Variants in CEP63 observed in about 807,000 individuals in gnomAD.
CEP63 encodes centrosomal protein of 63 kDa.
Under a neutral mutation model 89.1 loss-of-function variants are expected in CEP63, and 84 were observed. The observed-to-expected ratio is 0.94, with a 90% confidence interval of 0.79 to 1.13. The LOEUF (loss-of-function observed/expected upper bound fraction) is 1.13, where lower values mean the gene tolerates loss of function less well. Ranked by LOEUF, CEP63 falls within the 50% of genes most tolerant of loss-of-function variation. The pLI is 0.00. For synonymous variants in CEP63, 267 were observed against 272.5 expected, an observed-to-expected ratio of 0.98 and a Z score of 0.20; for missense variants, 838 against 813.3, an observed-to-expected ratio of 1.03 and a Z score of -0.37.
the CEP63 span, among the ~76,000 whole-genome samples, chr3:134,659,647 C>A: frequency 6.6e-6 from 1 of 152,144 alleles, no homozygotes; most frequent in African/African-American, 2.4e-5. Context: ...AGTGAGTGCT[C>A]CTAGTGGTGG....
the CEP63 span, chr3:134,625,107 T>C: frequency 6.2e-7 from 1 of 1,602,502 alleles, no homozygotes. Flanking sequence ...GGGACATGGA[T>C]TTCAGGCTAG....
the CEP63 span, among the ~76,000 whole-genome samples, chr3:134,654,137 C>A: frequency 6.6e-6 from 1 of 152,232 alleles, no homozygotes; most frequent in South Asian, 2.1e-4. Context: ...AGCAGCCCTG[C>A]ATCCGATACT....
the CEP63 span, among the ~76,000 whole-genome samples, chr3:134,739,199 G>A: frequency 3.9e-5 from 6 of 152,186 alleles, no homozygotes; most frequent in Non-Finnish European, 8.8e-5. Flanking sequence ...GATGTTCATA[G>A]CAGTATTATT....
rs202240762 is a variant in CEP63 at position 134,552,025 on chromosome 3, A to G, written c.1467+13A>G. On this transcript the variant is annotated intron_variant, in intron 12 of 14. Coordinates refer to ENST00000675561, the MANE Select transcript of CEP63 (RefSeq NM_001353108.3). ...GGGTTTACATGAGGTACATAAATAG[A>G]AACTTAAGTTTTTCTACTATCCAAG... is the stretch of plus-strand genomic sequence containing the variant. 8.8e-6 allele frequency: 13 copies of G among 1,471,226 alleles called. No homozygotes were observed. In the East Asian group the frequency reaches 2.7e-4, roughly 31 times the overall value. 91.1% of individuals were successfully genotyped at this position (1,471,226 alleles called of 1,614,324 possible).
chr3:134,670,114 T>C, the CEP63 span, among the ~76,000 whole-genome samples: 1 of 152,192 alleles, frequency 6.6e-6, no homozygotes, highest in Non-Finnish European at 1.5e-5. Flanking sequence ...TTTCAGCCTC[T>C]AGAACTATGA....
At chr3:134,521,109 A>G (rs1947346532) in intron 3 of CEP63, among the ~76,000 whole-genome samples, 2 of 152,186 alleles carry the variant, frequency 1.3e-5, no homozygotes, top group South Asian at 4.1e-4. Flanking sequence ...AAAAATGGGC[A>G]AAAGACAAAT....
chr3:134,595,559 A>G, the CEP63 span, among the ~76,000 whole-genome samples: 1 of 151,998 alleles, frequency 6.6e-6, no homozygotes, highest in Non-Finnish European at 1.5e-5. Flanking sequence ...CTAGCTAGTC[A>G]TGACACTCTT....
the CEP63 span, among the ~76,000 whole-genome samples, chr3:134,702,364 T>A: frequency 6.6e-6 from 1 of 150,936 alleles, no homozygotes; most frequent in Non-Finnish European, 1.5e-5. Context: ...TAAGAAAAAC[T>A]ATTTTGAAAT....
At chr3:134,740,779 C>T in the CEP63 span, among the ~76,000 whole-genome samples, 4 of 152,178 alleles carry the variant, frequency 2.6e-5, no homozygotes. Flanking sequence ...GCTCTCTGGT[C>T]CCTCCAAGCT....
the CEP63 span, among the ~76,000 whole-genome samples, chr3:134,720,454 G>A: frequency 4.0e-5 from 6 of 151,886 alleles, no homozygotes; most frequent in Non-Finnish European, 7.4e-5. Context: ...AGCACAAAAG[G>A]TTTTAATTTT....
the CEP63 span, chr3:134,628,121 A>C: frequency 2.5e-6 from 1 of 395,938 alleles, no homozygotes; most frequent in Non-Finnish European, 4.6e-6. Context: ...GTCCTCCTGG[A>C]ACCTGGTGTT....
the CEP63 span, among the ~76,000 whole-genome samples, chr3:134,726,984 C>T: frequency 2.2e-4 from 33 of 152,146 alleles, no homozygotes; most frequent in Admixed American, 2.1e-3. Context: ...TCCTCATGAT[C>T]TCTCTCTCCC....
At position 134,563,189 on chromosome 3, in the gene CEP63, A is replaced by G. The variant is rs1490671224; in HGVS notation, c.*1654A>G. ...CTTCCTTACCCACATCCGCATATCC[A>G]GTCATTTGGGAGGTCCTGTCATTTC... is the stretch of plus-strand genomic sequence containing the variant. On this transcript the variant is annotated 3_prime_UTR_variant, in exon 15 of 15. Transcript: ENST00000675561. The G allele has an allele frequency of 6.6e-5, 10 of 152,228 alleles. No homozygotes were observed. Among genetic ancestry groups the G allele is most frequent in the Admixed American group, 6.5e-4 (10 of 15,270 alleles). 9.4% of individuals were successfully genotyped at this position (152,228 alleles called of 1,614,324 possible). A position where few individuals can be genotyped will look rare whatever the true frequency, so the allele number is the denominator to read the frequency against.
intron 6 of CEP63, among the ~76,000 whole-genome samples, chr3:134,537,869 G>A (rs894524042): frequency 3.3e-5 from 5 of 152,216 alleles, no homozygotes; most frequent in Admixed American, 2.0e-4. Flanking sequence ...CCAACTAAAA[G>A]TGGTGTCTTT....
At chr3:134,655,837 G>A in the CEP63 span, among the ~76,000 whole-genome samples, 4 of 152,308 alleles carry the variant, frequency 2.6e-5, no homozygotes, top group South Asian at 8.3e-4. Context: ...CCTGAGCTGG[G>A]CCTTTGGGGA....
chr3:134,761,081 A>G, the CEP63 span, among the ~76,000 whole-genome samples: 1 of 152,126 alleles, frequency 6.6e-6, no homozygotes, highest in East Asian at 1.9e-4. Context: ...TCTAGGACAA[A>G]ACCACTTCAG....
chr3:134,513,353 G>C (rs1318721595), intron 3 of CEP63, among the ~76,000 whole-genome samples: 1 of 152,140 alleles, frequency 6.6e-6, no homozygotes, highest in Non-Finnish European at 1.5e-5. Context: ...ATCAGCTTTA[G>C]AAGTAAATTT....
chr3:134,557,079 T>C (rs1956318322), intron 12 of CEP63, among the ~76,000 whole-genome samples: 1 of 152,192 alleles, frequency 6.6e-6, no homozygotes, highest in Non-Finnish European at 1.5e-5. Context: ...TACAAATGAA[T>C]GTTTGGGTTA....
the CEP63 span, among the ~76,000 whole-genome samples, chr3:134,602,177 G>A: frequency 6.6e-6 from 1 of 152,140 alleles, no homozygotes; most frequent in Non-Finnish European, 1.5e-5. Flanking sequence ...TGGAGAAGCC[G>A]GGAGTTCAGC....
Sources: allele counts gnomAD v4.1 joint callset (sites outside exome capture counted in the v4.1 genomes callset), GRCh38; gene constraint gnomAD v4.1.1; transcripts MANE v1.5; gene names NCBI Gene and HGNC (gene_info 2026-07-23, HGNC 2026-07-21).